The following SLC4A7 variants were observed in gnomAD, a reference collection of about 807,000 sequenced individuals.
The protein encoded by SLC4A7 is sodium bicarbonate cotransporter 3.
Under a neutral mutation model 137.6 loss-of-function variants are expected in SLC4A7, and 51 were observed. The observed-to-expected ratio is 0.37, with a 90% CI of 0.30 to 0.47. The LOEUF is 0.47. Ranked by LOEUF, SLC4A7 falls within the 20% of genes least tolerant of loss-of-function variation. The probability of loss-of-function intolerance (pLI) is 1.00; values close to 1 mark genes in which losing one functional copy is unlikely to be tolerated. For synonymous variants in SLC4A7, 542 were observed against 518.6 expected (o/e 1.05, Z -0.61); for missense variants, 1,247 against 1,525.4 (o/e 0.82, Z 3.04).
chr3:27,456,036 G>C (rs562136103), intron 1 of SLC4A7, among the ~76,000 whole-genome samples: 1 of 152,000 alleles, frequency 6.6e-6, no homozygotes, highest in African/African-American at 2.4e-5. Flanking sequence ...TATTTATCTT[G>C]CCTGAAAAAG....
At chr3:27,414,381 A>G (rs1007282168) in intron 11 of SLC4A7, among the ~76,000 whole-genome samples, 1 of 152,124 alleles carries the variant, frequency 6.6e-6, no homozygotes, top group Non-Finnish European at 1.5e-5. Flanking sequence ...CTGAAACTCA[A>G]TCTAATAAGC....
intron 8 of SLC4A7, 80 bp from the exon 9 acceptor site, chr3:27,421,859 T>A: frequency 1.0e-6 from 1 of 997,098 alleles, no homozygotes; most frequent in Non-Finnish European, 1.5e-6. Context: ...AAAAACTGCT[T>A]TATAAGACTA....
intron 1 of SLC4A7, among the ~76,000 whole-genome samples, chr3:27,453,532 G>A (rs1229696898): frequency 6.6e-6 from 1 of 152,200 alleles, no homozygotes; most frequent in African/African-American, 2.4e-5. Flanking sequence ...AGAATCACTT[G>A]AACCCGGGAG....
chr3:27,439,595 G>C (rs1167824364), intron 3 of SLC4A7, among the ~76,000 whole-genome samples: 1 of 152,228 alleles, frequency 6.6e-6, no homozygotes, highest in East Asian at 1.9e-4. Flanking sequence ...CCTGGGACCT[G>C]CTAAACTCAC....
intron 11 of SLC4A7, among the ~76,000 whole-genome samples, chr3:27,412,871 A>T (rs2054042525): frequency 6.6e-6 from 1 of 152,140 alleles, no homozygotes; most frequent in African/African-American, 2.4e-5. Context: ...ATATTAAGAG[A>T]AATGAAACAA....
chr3:27,400,776 A>G lies in SLC4A7; in HGVS notation c.2415T>C (p.Asn805=), dbSNP rs1243630082. 1 of 1,580,252 alleles carries G rather than the reference A, an allele frequency of 6.3e-7. No individual in the cohort carries two copies. The highest frequency in any genetic ancestry group is 8.7e-7 in the Non-Finnish European group (1 of 1,150,650). ...NITAHNISWR[N]LTVSECKKLR... The stretch of plus-strand genomic sequence containing the variant: ...AAAATATACTCACAGAAACAGTAAG[A>G]TTTCTCCAGGAAATATTGTGTGCTG... Residue 805 remains asparagine (N), a synonymous_variant, in exon 16 of 26, where the codon AAT becomes AAC. Coordinates refer to ENST00000454389, the MANE Select transcript of SLC4A7 (RefSeq NM_001321103.2).
At position 27,436,562 on chromosome 3, in the gene SLC4A7, G is replaced by A. The variant is rs199616009; in HGVS notation, c.429-14C>T. 108 of 1,534,482 alleles carry A rather than the reference G, an allele frequency of 7.0e-5. No homozygotes were observed. Among genetic ancestry groups the A allele is most frequent in the East Asian group, 4.6e-5 (2 of 43,664 alleles). ...AATTTCAGCCATCTGAATGCATAATGTATAAAAATATTTTATAAGTAATGA... is the reference window on the plus strand; with the variant it reads ...AATTTCAGCCATCTGAATGCATAATATATAAAAATATTTTATAAGTAATGA... On this transcript the variant is annotated splice_polypyrimidine_tract_variant and intron_variant, in intron 4 of 25. Transcript: ENST00000454389.
intron 3 of SLC4A7, among the ~76,000 whole-genome samples, chr3:27,440,380 C>T (rs1194357872): frequency 6.6e-6 from 1 of 152,026 alleles, no homozygotes; most frequent in African/African-American, 2.4e-5. Context: ...ACTAAGGATC[C>T]CTATGATTAT....
At chr3:27,384,945 G>T (rs1334009753) in intron 23 of SLC4A7, among the ~76,000 whole-genome samples, 4 of 151,106 alleles carry the variant, frequency 2.6e-5, no homozygotes, top group Admixed American at 6.6e-5. Context: ...CATCTCAGAA[G>T]AAAAAAACAA....
intron 1 of SLC4A7, chr3:27,456,683 T>C (rs759524665): frequency 3.1e-6 from 5 of 1,611,420 alleles, no homozygotes; most frequent in Non-Finnish European, 3.4e-6. Flanking sequence ...AATCTTTCCA[T>C]AGTAATATAG....
chr3:27,439,905 T>C (rs1444273092), intron 3 of SLC4A7, among the ~76,000 whole-genome samples: 1 of 152,244 alleles, frequency 6.6e-6, no homozygotes, highest in East Asian at 1.9e-4. Flanking sequence ...AGTTTCCTGC[T>C]ATTCTTAGTT....
chr3:27,477,236 G>C (rs2059498255), intron 1 of SLC4A7, among the ~76,000 whole-genome samples: 1 of 152,208 alleles, frequency 6.6e-6, no homozygotes, highest in South Asian at 2.1e-4. Flanking sequence ...TTGCATTGAT[G>C]CAAATCCTAA....
At chr3:27,482,990 G>C (rs375426355) in intron 1 of SLC4A7, among the ~76,000 whole-genome samples, 1 of 152,318 alleles carries the variant, frequency 6.6e-6, no homozygotes, top group Non-Finnish European at 1.5e-5. Flanking sequence ...AGGGAAAGCC[G>C]GCAGGCAGTT....
rs1453720511 is a variant in SLC4A7, at chr3:27,404,844, T to C, written c.2061A>G (p.Leu687=). ...TGPVLVFEKI[L]YKFCRDYQLS... ...CTATTACTTACCTGCAGAATTTATA[T>C]AAAATTTTTTCAAACACTAGAACTG... The change falls in exon 14 of 26, where the codon TTA becomes TTG. Residue 687 remains leucine, a synonymous_variant. Coordinates refer to ENST00000454389, the MANE Select transcript of SLC4A7 (RefSeq NM_001321103.2). 1.2e-6 allele frequency: 2 copies of C among 1,603,080 alleles called. No homozygotes were observed. The highest frequency in any genetic ancestry group is 1.7e-6 in the Non-Finnish European group (2 of 1,176,114).
At chr3:27,465,308 AAC>A (rs1318742971) in intron 1 of SLC4A7, among the ~76,000 whole-genome samples, 1 of 151,294 alleles carries the variant, frequency 6.6e-6, no homozygotes, top group African/African-American at 2.4e-5. Context: ...AAAAAAAAAA[AAC>A]CCACAAACCT....
At chr3:27,447,543 A>T (rs1179262844) in intron 3 of SLC4A7, among the ~76,000 whole-genome samples, 2 of 152,068 alleles carry the variant, frequency 1.3e-5, no homozygotes, top group Middle Eastern at 3.2e-3. Context: ...TAGAAAGCAA[A>T]CACTAGGACC....
At position 27,456,576 on chromosome 3, in the gene SLC4A7, T is replaced by C. The variant is rs2058423006; in HGVS notation, c.61-4078A>G. On this transcript the variant is annotated intron_variant, in intron 1 of 25. Coordinates refer to ENST00000454389, the MANE Select transcript of SLC4A7 (RefSeq NM_001321103.2). Reference sequence around the variant, plus strand: ...AGCCAGTGCTAATAAGCCTGACATTTCTTCAAGCTTCACTATTAAACTCTG... The same window carrying C: ...AGCCAGTGCTAATAAGCCTGACATTCCTTCAAGCTTCACTATTAAACTCTG... 17 of 1,024,556 alleles carry C rather than the reference T, an allele frequency of 1.7e-5. No homozygotes were observed. In the South Asian group the frequency reaches 2.2e-4, roughly 13 times the overall value. 63.5% of individuals were successfully genotyped at this position (1,024,556 alleles called of 1,614,324 possible). A position where few individuals can be genotyped will look rare whatever the true frequency, so the allele number is the denominator to read the frequency against.
At chr3:27,448,890 T>C (rs1347134681) in intron 2 of SLC4A7, 93 bp from the exon 3 acceptor site, 5 of 843,976 alleles carry the variant, frequency 5.9e-6, no homozygotes, top group East Asian at 5.6e-5. Flanking sequence ...TGATAAAGAA[T>C]ATAAGTTCAC....
Position 27,384,790 on chromosome 3 carries a change from C to T in SLC4A7, c.3492+1102G>A, listed in dbSNP as rs541489690. ...CCAGCCTGGCCAACATGGTGGAACC[C>T]TGTCTCTACTAAAAGTACAAAAATA... On this transcript the variant is annotated intron_variant, in intron 23 of 25. Coordinates refer to ENST00000454389, the MANE Select transcript of SLC4A7 (RefSeq NM_001321103.2). Among the ~76,000 whole-genome samples, 6 of 152,112 alleles carry T rather than the reference C, an allele frequency of 3.9e-5. No individual in the cohort carries two copies. In the South Asian group the frequency reaches 1.0e-3, roughly 26 times the overall value.
Sources: allele counts gnomAD v4.1 joint callset (sites outside exome capture counted in the v4.1 genomes callset), GRCh38; gene constraint gnomAD v4.1.1; transcripts MANE v1.5; gene names NCBI Gene and HGNC (gene_info 2026-07-23, HGNC 2026-07-21).